Variants in AK4 observed in about 807,000 individuals in gnomAD.
The protein encoded by AK4 is adenylate kinase 4, mitochondrial.
AK4 carries 13 observed loss-of-function variants against 24.6 expected under a neutral mutation model. The observed-to-expected ratio is 0.53, with a 90% confidence interval of 0.34 to 0.84. The LOEUF (loss-of-function observed/expected upper bound fraction) is 0.84, where lower values mean the gene tolerates loss of function less well. Among genes scored for constraint, AK4 ranks in the 40% least tolerant of loss-of-function variants. The probability of loss-of-function intolerance (pLI) is 0.01; values close to 1 mark genes in which losing one functional copy is unlikely to be tolerated. For synonymous variants in AK4, 88 were observed against 107.0 expected, an observed-to-expected ratio of 0.82 and a Z score of 1.10; for missense variants, 192 against 288.2, an observed-to-expected ratio of 0.67 and a Z score of 2.42.
At chr1:65,154,194 GAAAT>G (rs1649895002) in intron 1 of AK4, among the ~76,000 whole-genome samples, 1 of 152,154 alleles carries the variant, frequency 6.6e-6, no homozygotes, top group Non-Finnish European at 1.5e-5. Flanking sequence ...AAGGAGGAGA[GAAAT>G]AAAGGGATTT....
At chr1:65,211,337 G>C (rs1195607514) in intron 2 of AK4, among the ~76,000 whole-genome samples, 1 of 152,236 alleles carries the variant, frequency 6.6e-6, no homozygotes, top group African/African-American at 2.4e-5. Flanking sequence ...TGTGCGTGTA[G>C]CACTGGATCA....
chr1:65,162,696 A>C (rs895877690), intron 1 of AK4, among the ~76,000 whole-genome samples: 2 of 152,082 alleles, frequency 1.3e-5, no homozygotes, highest in African/African-American at 4.8e-5. Context: ...AAAGTGTAAA[A>C]ATCAGAGGTT....
intron 2 of AK4, among the ~76,000 whole-genome samples, chr1:65,201,515 T>G (rs919555136): frequency 6.6e-6 from 1 of 152,170 alleles, no homozygotes. Flanking sequence ...CTAGCAAAGC[T>G]TGGTTCATGG....
intron 1 of AK4, among the ~76,000 whole-genome samples, chr1:65,153,318 G>A (rs1371626831): frequency 1.3e-5 from 2 of 152,130 alleles, no homozygotes; most frequent in African/African-American, 4.8e-5. Context: ...GACCTAGGCT[G>A]GAGTGCAGTG....
chr1:65,224,258 G>A (rs958771320), intron 3 of AK4, among the ~76,000 whole-genome samples: 11 of 152,056 alleles, frequency 7.2e-5, no homozygotes, highest in African/African-American at 2.4e-4. Context: ...TTTCATAGAA[G>A]CTCCAGAATA....
chr1:65,193,132 GCT>G (rs1465404328), intron 2 of AK4, among the ~76,000 whole-genome samples: 2 of 152,194 alleles, frequency 1.3e-5, no homozygotes, highest in Admixed American at 6.5e-5. Context: ...GTCTGCAGTG[GCT>G]CTGTTCTGCA....
chr1:65,200,462 A>C (rs533031948), intron 2 of AK4, among the ~76,000 whole-genome samples: 5 of 152,228 alleles, frequency 3.3e-5, no homozygotes, highest in African/African-American at 9.6e-5. Flanking sequence ...ATTACACAGG[A>C]AATACCACTA....
chr1:65,186,076 C>T (rs923088928), intron 1 of AK4, among the ~76,000 whole-genome samples: 1 of 151,996 alleles, frequency 6.6e-6, no homozygotes, highest in Non-Finnish European at 1.5e-5. Context: ...AAAGAAAATT[C>T]TCCTATCTTC....
chr1:65,225,826 T>C (rs1264204526), intron 4 of AK4, among the ~76,000 whole-genome samples: 1 of 152,146 alleles, frequency 6.6e-6, no homozygotes, highest in East Asian at 1.9e-4. Flanking sequence ...TTGATATGTT[T>C]TAAAGGGGGA....
intron 1 of AK4, among the ~76,000 whole-genome samples, chr1:65,185,711 T>C (rs1651075323): frequency 6.6e-6 from 1 of 150,768 alleles, no homozygotes; most frequent in Admixed American, 6.7e-5. Context: ...CCTCTTGGGC[T>C]CAAGCTCTTC....
At chr1:65,187,958 A>G (rs962540467) in intron 1 of AK4, among the ~76,000 whole-genome samples, 5 of 152,182 alleles carry the variant, frequency 3.3e-5, no homozygotes, top group African/African-American at 1.2e-4. Flanking sequence ...ATCTGCATCA[A>G]CTGGGCCTGT....
intron 2 of AK4, among the ~76,000 whole-genome samples, chr1:65,191,308 A>G (rs1257974405): frequency 6.6e-6 from 1 of 152,206 alleles, no homozygotes; most frequent in African/African-American, 2.4e-5. Flanking sequence ...ATACTTTCTG[A>G]TCCAGCAGTT....
intron 2 of AK4, among the ~76,000 whole-genome samples, chr1:65,215,140 AT>A (rs1350191731): frequency 7.1e-6 from 1 of 140,812 alleles, no homozygotes; most frequent in Non-Finnish European, 1.5e-5. Flanking sequence ...ATCATCATTG[AT>A]TTTTTTTCTT....
chr1:65,175,856 C>A (rs769364980), intron 1 of AK4, among the ~76,000 whole-genome samples: 3 of 152,188 alleles, frequency 2.0e-5, no homozygotes, highest in Non-Finnish European at 4.4e-5. Flanking sequence ...CCTTGCCCAA[C>A]TTCTGTTGCA....
At chr1:65,196,605 C>A (rs771654828) in intron 2 of AK4, among the ~76,000 whole-genome samples, 40 of 152,240 alleles carry the variant, frequency 2.6e-4, no homozygotes, top group Non-Finnish European at 4.6e-4. Flanking sequence ...GCTGGGATTA[C>A]AGGTGCACAC....
At chr1:65,157,513 G>A (rs898964215) in intron 1 of AK4, among the ~76,000 whole-genome samples, 9 of 152,192 alleles carry the variant, frequency 5.9e-5, no homozygotes, top group Non-Finnish European at 1.3e-4. Flanking sequence ...GCTGGGTGTG[G>A]TGGTTCATGT....
chr1:65,220,695 C>T (rs1413969749), intron 3 of AK4, among the ~76,000 whole-genome samples: 2 of 152,110 alleles, frequency 1.3e-5, no homozygotes, highest in Non-Finnish European at 1.5e-5. Flanking sequence ...AGGCTGGTCT[C>T]GAACCCCTGA....
intron 1 of AK4, among the ~76,000 whole-genome samples, chr1:65,188,705 C>G (rs934386199): frequency 1.3e-5 from 2 of 151,840 alleles, no homozygotes; most frequent in Admixed American, 1.3e-4. Flanking sequence ...GTCTTGATCT[C>G]CTGACCTCGT....
At chr1:65,177,860 A>T (rs1341291578) in intron 1 of AK4, among the ~76,000 whole-genome samples, 1 of 152,186 alleles carries the variant, frequency 6.6e-6, no homozygotes, top group Non-Finnish European at 1.5e-5. Context: ...CTAATCAGGT[A>T]AGAGAATGCT....
Sources: allele counts gnomAD v4.1 joint callset (sites outside exome capture counted in the v4.1 genomes callset), GRCh38; gene constraint gnomAD v4.1.1; transcripts MANE v1.5; gene names NCBI Gene and HGNC (gene_info 2026-07-23, HGNC 2026-07-21).